CDC42SE2: variants seen among roughly 807,000 people sequenced by gnomAD.
CDC42SE2 encodes the protein CDC42 small effector 2.
CDC42SE2 carries 3 observed loss-of-function variants against 11.5 expected under a neutral mutation model. That is an observed-to-expected ratio of 0.26 (90% CI 0.12 to 0.67). The LOEUF (loss-of-function observed/expected upper bound fraction) is 0.67, where lower values mean the gene tolerates loss of function less well. Among genes scored for constraint, CDC42SE2 ranks in the 30% least tolerant of loss-of-function variants. The probability of loss-of-function intolerance (pLI) is 0.80; values close to 1 mark genes in which losing one functional copy is unlikely to be tolerated. For missense variants in CDC42SE2, 82 were observed against 106.8 expected (o/e 0.77, Z 1.02); for synonymous variants, 33 against 34.8 (o/e 0.95, Z 0.18).
At chr5:131,296,871 T>A (rs554508387) in intron 1 of CDC42SE2, among the ~76,000 whole-genome samples, 1 of 152,248 alleles carries the variant, frequency 6.6e-6, no homozygotes, top group Admixed American at 6.5e-5. Context: ...TTGCAAGTTC[T>A]TTTTCTTTCT....
At chr5:131,287,504 G>A (rs891511151) in intron 1 of CDC42SE2, among the ~76,000 whole-genome samples, 7 of 147,166 alleles carry the variant, frequency 4.8e-5, no homozygotes, top group Non-Finnish European at 1.0e-4. Flanking sequence ...TCACTCTGAT[G>A]CCCAGGCGAG....
chr5:131,311,855 T>C (rs1219837536), intron 1 of CDC42SE2, among the ~76,000 whole-genome samples: 2 of 152,174 alleles, frequency 1.3e-5, no homozygotes, highest in Non-Finnish European at 2.9e-5. Context: ...TAAATTTTTT[T>C]TCAAAGTTTT....
intron 3 of CDC42SE2, among the ~76,000 whole-genome samples, chr5:131,368,329 G>C (rs1580782801): frequency 6.6e-6 from 1 of 151,042 alleles, no homozygotes. Context: ...TTCCCTACAT[G>C]CATGAGTCAG....
At chr5:131,349,153 A>T (rs1278980665) in intron 2 of CDC42SE2, among the ~76,000 whole-genome samples, 3 of 152,132 alleles carry the variant, frequency 2.0e-5, no homozygotes, top group Non-Finnish European at 4.4e-5. Flanking sequence ...ATCTAATCTA[A>T]CTTTGCAGCC....
intron 1 of CDC42SE2, among the ~76,000 whole-genome samples, chr5:131,312,930 G>T (rs1057007871): frequency 6.6e-6 from 1 of 151,988 alleles, no homozygotes; most frequent in African/African-American, 2.4e-5. Flanking sequence ...ATCTGTAGAC[G>T]GGAGCTGTTC....
intron 3 of CDC42SE2, among the ~76,000 whole-genome samples, chr5:131,376,005 A>C (rs996808732): frequency 1.3e-5 from 2 of 152,070 alleles, no homozygotes; most frequent in African/African-American, 2.4e-5. Flanking sequence ...TTAGGAGGCC[A>C]AGGTGGGTGG....
chr5:131,372,338 A>G (rs1317553955), intron 3 of CDC42SE2, among the ~76,000 whole-genome samples: 1 of 152,162 alleles, frequency 6.6e-6, no homozygotes, highest in Non-Finnish European at 1.5e-5. Context: ...GGAAGTGATC[A>G]TATTTTTAAG....
At chr5:131,365,490 T>G (rs563992932) in intron 3 of CDC42SE2, among the ~76,000 whole-genome samples, 3 of 152,304 alleles carry the variant, frequency 2.0e-5, no homozygotes, top group African/African-American at 7.2e-5. Context: ...TGGCACAGAT[T>G]TGTATAGAAC....
rs1554066932 is a variant in CDC42SE2 at position 131,392,599 on chromosome 5, A to ATAT, written c.*1510_*1512dup. On this transcript the variant is annotated 3_prime_UTR_variant, in exon 5 of 5. Transcript: ENST00000505065. ...ATTCATTCTGTTGTAAATGTTCAAT[A>ATAT]TATTTATTTTGAGAGCAAGGACCTG... is the stretch of plus-strand genomic sequence containing the variant. 1.3e-5 allele frequency: 2 copies of ATAT among 152,314 alleles called. No individual in the cohort carries two copies. Among genetic ancestry groups the ATAT allele is most frequent in the Admixed American group, 6.5e-5 (1 of 15,282 alleles). The allele number at this position is 152,314 out of a possible 1,614,324, so 9.4% of individuals were successfully genotyped here. A position where few individuals can be genotyped will look rare whatever the true frequency, so the allele number is the denominator to read the frequency against.
intron 2 of CDC42SE2, among the ~76,000 whole-genome samples, chr5:131,327,999 T>C (rs1050768647): frequency 6.6e-6 from 1 of 152,160 alleles, no homozygotes; most frequent in Non-Finnish European, 1.5e-5. Flanking sequence ...GGCCAACATG[T>C]TGCTGTGGCA....
chr5:131,211,566 G>T, the CDC42SE2 span, among the ~76,000 whole-genome samples: 7 of 152,262 alleles, frequency 4.6e-5, no homozygotes, highest in African/African-American at 1.4e-4. Flanking sequence ...AATGGCAATT[G>T]TTAATTCTAT....
upstream of CDC42SE2, among the ~76,000 whole-genome samples, chr5:131,262,609 G>T (rs1756754227): frequency 6.6e-6 from 1 of 152,030 alleles, no homozygotes; most frequent in Non-Finnish European, 1.5e-5. Context: ...ATCCGAGGGG[G>T]ATTGGCTCTA....
intron 1 of CDC42SE2, among the ~76,000 whole-genome samples, chr5:131,307,063 T>A (rs11952974): frequency 0.017 from 2,641 of 152,058 alleles, 74 homozygotes; most frequent in African/African-American, 0.06. Context: ...CCTTTTTTTT[T>A]AATTTTTTTA....
the CDC42SE2 span, among the ~76,000 whole-genome samples, chr5:131,226,641 C>T: frequency 6.6e-6 from 1 of 152,188 alleles, no homozygotes; most frequent in Non-Finnish European, 1.5e-5. Context: ...TATGGTCCAC[C>T]AGCCAGAGTA....
intron 3 of CDC42SE2, among the ~76,000 whole-genome samples, chr5:131,374,831 C>T (rs1202028166): frequency 6.6e-6 from 1 of 152,084 alleles, no homozygotes; most frequent in Non-Finnish European, 1.5e-5. Context: ...GGAAGACTCC[C>T]AGATCTGATT....
At chr5:131,345,843 T>G in intron 2 of CDC42SE2, among the ~76,000 whole-genome samples, 1 of 152,180 alleles carries the variant, frequency 6.6e-6, no homozygotes. Context: ...GGGGCCAATA[T>G]TCAACATTCT....
chr5:131,236,504 G>A, the CDC42SE2 span, among the ~76,000 whole-genome samples: 4 of 152,038 alleles, frequency 2.6e-5, no homozygotes, highest in South Asian at 2.1e-4. Flanking sequence ...TTGGCTCACT[G>A]CAGTCTCCGC....
chr5:131,272,485 G>A (rs546465517), intron 1 of CDC42SE2, among the ~76,000 whole-genome samples: 1 of 151,688 alleles, frequency 6.6e-6, no homozygotes, highest in African/African-American at 2.4e-5. Context: ...ACTTTTATAC[G>A]TCTCCTTGTA....
At chr5:131,357,776 C>G (rs926982092) in intron 2 of CDC42SE2, among the ~76,000 whole-genome samples, 1 of 152,194 alleles carries the variant, frequency 6.6e-6, no homozygotes, top group Non-Finnish European at 1.5e-5. Flanking sequence ...CAAACATTGT[C>G]TACACTTGTT....
Sources: allele counts gnomAD v4.1 joint callset (sites outside exome capture counted in the v4.1 genomes callset), GRCh38; gene constraint gnomAD v4.1.1; transcripts MANE v1.5; gene names NCBI Gene and HGNC (gene_info 2026-07-23, HGNC 2026-07-21).